Variants in ANKS6 observed in about 807,000 individuals in gnomAD.
ANKS6 encodes the protein ankyrin repeat and sterile alpha motif domain containing 6, also known as ankyrin repeat and SAM domain-containing protein 6.
In ANKS6, 47 loss-of-function variants were observed where a neutral mutation model predicts 77.9. That is an observed-to-expected ratio of 0.60 (90% CI 0.48 to 0.77). The LOEUF (loss-of-function observed/expected upper bound fraction) is 0.77, where lower values mean the gene tolerates loss of function less well. Among genes scored for constraint, ANKS6 ranks in the 30% least tolerant of loss-of-function variants. The pLI is 0.00. For missense variants in ANKS6, 1,150 were observed against 1,159.1 expected (o/e 0.99, Z 0.11); for synonymous variants, 488 against 501.7 (o/e 0.97, Z 0.37).
At chr9:98,756,748 T>C (rs1832728845) in intron 11 of ANKS6, 145 bp from the exon 12 acceptor site, 3 of 710,604 alleles carry the variant, frequency 4.2e-6, no homozygotes, top group Admixed American at 3.9e-5. Flanking sequence ...TTTAAAAACA[T>C]GGAAAGCAGA....
chr9:98,772,942 G>T (rs1833716887), intron 9 of ANKS6, among the ~76,000 whole-genome samples: 1 of 152,198 alleles, frequency 6.6e-6, no homozygotes, highest in African/African-American at 2.4e-5. Context: ...GGCAGAATGG[G>T]GCTGACTGGG....
Position 98,754,709 on chromosome 9 carries a change from C to G in ANKS6, c.2326+1711G>C, listed in dbSNP as rs537322967. ...CTATAACAATCATATACCCACAGGA[C>G]AAAGGGCTCGCTGCCTCAGGACCCA... is the stretch of plus-strand genomic sequence containing the variant. On this transcript the variant is annotated intron_variant, in intron 12 of 14. Coordinates refer to ENST00000353234, the MANE Select transcript of ANKS6 (RefSeq NM_173551.5). Among the ~76,000 whole-genome samples, 27 of 151,870 alleles carry G rather than the reference C, an allele frequency of 1.8e-4. 1 individual carries two copies. In the South Asian group the frequency reaches 5.6e-3, roughly 32 times the overall value.
chr9:98,750,601 A>C (rs1832373565), intron 13 of ANKS6, among the ~76,000 whole-genome samples: 1 of 152,220 alleles, frequency 6.6e-6, no homozygotes, highest in East Asian at 1.9e-4. Flanking sequence ...GCCAAACTGC[A>C]GAACAGTATT....
intron 4 of ANKS6, 149 bp downstream of exon 4, chr9:98,783,802 GCT>G (rs1491198169): frequency 4.2e-6 from 2 of 475,440 alleles, no homozygotes; most frequent in African/African-American, 1.2e-4. Context: ...AGCCTGTGCC[GCT>G]TTTTTTTTTT....
chr9:98,750,972 G>T, intron 13 of ANKS6, 57 bp downstream of exon 13: 2 of 1,440,660 alleles, frequency 1.4e-6, no homozygotes, highest in South Asian at 2.4e-5. Flanking sequence ...TACACATTTA[G>T]ACAAATTTTT....
At chr9:98,754,611 C>T (rs1011314354) in intron 12 of ANKS6, among the ~76,000 whole-genome samples, 7 of 151,526 alleles carry the variant, frequency 4.6e-5, no homozygotes, top group East Asian at 2.0e-4. Flanking sequence ...CACTGCACTC[C>T]AGCATGGGTG....
intron 14 of ANKS6, among the ~76,000 whole-genome samples, chr9:98,738,584 A>T (rs902769841): frequency 1.1e-4 from 16 of 152,102 alleles, no homozygotes; most frequent in East Asian, 7.7e-4. Flanking sequence ...AATAAAATAA[A>T]AAAAAAAACA....
intron 1 of ANKS6, 53 bp from the exon 2 acceptor site, chr9:98,790,659 A>T: frequency 6.4e-7 from 1 of 1,558,002 alleles, no homozygotes; most frequent in Non-Finnish European, 8.7e-7. Flanking sequence ...CTCGGGGGCC[A>T]GCTTATGTCA....
intron 1 of ANKS6, among the ~76,000 whole-genome samples, chr9:98,792,437 C>G (rs1257296880): frequency 1.3e-5 from 2 of 152,198 alleles, no homozygotes; most frequent in East Asian, 1.9e-4. Flanking sequence ...TCCCCAGCCC[C>G]TACCATAGTG....
rs1831306144 is a variant in ANKS6, at chr9:98,733,317, A to C, written c.*3202T>G. ...GTGGCCAGCAGGGACTTGGACATCC[A>C]GCACTCACGACACACCAGCAAGACA... On this transcript the variant is annotated 3_prime_UTR_variant, in exon 15 of 15. Coordinates refer to ENST00000353234, the MANE Select transcript of ANKS6 (RefSeq NM_173551.5). 1 of 985,414 alleles carries C rather than the reference A, an allele frequency of 1.0e-6. No homozygotes were observed. The highest frequency in any genetic ancestry group is 6.2e-5 in the Admixed American group (1 of 16,258). The allele number at this position is 985,414 out of a possible 1,614,324, so 61.0% of individuals were successfully genotyped here.
chr9:98,780,642 G>T (rs866038813), intron 5 of ANKS6, among the ~76,000 whole-genome samples: 1 of 152,230 alleles, frequency 6.6e-6, no homozygotes, highest in Non-Finnish European at 1.5e-5. Flanking sequence ...TTCTGCTTCT[G>T]TCCCTCCCTG....
At chr9:98,738,593 C>T (rs1040566612) in intron 14 of ANKS6, among the ~76,000 whole-genome samples, 1 of 142,052 alleles carries the variant, frequency 7.0e-6, no homozygotes, top group Non-Finnish European at 1.6e-5. Context: ...AAAAAAAAAA[C>T]AGTAGATGCT....
chr9:98,771,894 G>A (rs969332989), intron 9 of ANKS6, among the ~76,000 whole-genome samples: 2 of 152,154 alleles, frequency 1.3e-5, no homozygotes, highest in African/African-American at 4.8e-5. Flanking sequence ...CTCTTACCAT[G>A]GCTTGTGAGT....
chr9:98,763,222 TTCACCAAAAGAGA>T (rs1833106343), intron 11 of ANKS6, among the ~76,000 whole-genome samples: 1 of 74,124 alleles, frequency 1.3e-5, no homozygotes, highest in Admixed American at 1.2e-4. Context: ...CTATGAGAAA[TTCACCAAAAGAGA>T]TCACATTCTA....
At position 98,790,167 on chromosome 9, in the gene ANKS6, C is replaced by G. The variant is rs1213438848; in HGVS notation, c.799G>C (p.Asp267His). 1 of 1,597,574 alleles carries G rather than the reference C, an allele frequency of 6.3e-7. No individual in the cohort carries two copies. The highest frequency in any genetic ancestry group is 1.3e-5 in the African/African-American group (1 of 74,672). Reference sequence around the variant, plus strand: ...TCTACAAGGTCCCTGTGCTTGCAGTCCAGTGCAACCTCGAAGGCGGTCTTC... The same window carrying G: ...TCTACAAGGTCCCTGTGCTTGCAGTGCAGTGCAACCTCGAAGGCGGTCTTC... ...LEKTAFEVALDCKHRDLVDYL... is the reference protein window; with the variant it reads ...LEKTAFEVALHCKHRDLVDYL... The change falls in exon 2 of 15, where the codon GAC becomes CAC. Residue 267 changes from aspartate (D) to histidine (H), a missense_variant. Asp to His is a moderately conservative substitution (Grantham distance 81). Coordinates refer to ENST00000353234, the MANE Select transcript of ANKS6 (RefSeq NM_173551.5).
intron 10 of ANKS6, among the ~76,000 whole-genome samples, chr9:98,769,733 T>C (rs938142436): frequency 6.6e-6 from 1 of 152,224 alleles, no homozygotes; most frequent in Non-Finnish European, 1.5e-5. Flanking sequence ...GGACGAGTTA[T>C]CTAACTGTCC....
chr9:98,732,196 G>T lies in ANKS6; in HGVS notation c.*4323C>A. 2.6e-6 allele frequency: 1 copy of T among 388,490 alleles called. No individual in the cohort carries two copies. Among genetic ancestry groups the T allele is most frequent in the East Asian group, 4.8e-5 (1 of 20,706 alleles). The allele number at this position is 388,490 out of a possible 1,614,324, so 24.1% of individuals were successfully genotyped here. A position where few individuals can be genotyped will look rare whatever the true frequency, so the allele number is the denominator to read the frequency against. Reference sequence around the variant, plus strand: ...CTGGCTGCAGAATTCTCCCAGGAAGGGTCCCGGGCTCTTCAGGAGGCATTT... The same window carrying T: ...CTGGCTGCAGAATTCTCCCAGGAAGTGTCCCGGGCTCTTCAGGAGGCATTT... On this transcript the variant is annotated 3_prime_UTR_variant, in exon 15 of 15. Coordinates refer to ENST00000353234, the MANE Select transcript of ANKS6 (RefSeq NM_173551.5).
chr9:98,764,726 T>C (rs952923390), intron 11 of ANKS6, among the ~76,000 whole-genome samples: 1 of 152,242 alleles, frequency 6.6e-6, no homozygotes, highest in African/African-American at 2.4e-5. Flanking sequence ...TTCTTTCTTA[T>C]AGTTTCCATC....
chr9:98,760,965 A>G (rs1832975027), intron 11 of ANKS6, among the ~76,000 whole-genome samples: 1 of 152,218 alleles, frequency 6.6e-6, no homozygotes, highest in South Asian at 2.1e-4. Flanking sequence ...GAAACTGCCT[A>G]TCTTTTTCAA....
Sources: allele counts gnomAD v4.1 joint callset (sites outside exome capture counted in the v4.1 genomes callset), GRCh38; gene constraint gnomAD v4.1.1; transcripts MANE v1.5; gene names NCBI Gene and HGNC (gene_info 2026-07-23, HGNC 2026-07-21).